ADCY5: variants seen among roughly 807,000 people sequenced by gnomAD.
ADCY5 encodes the protein adenylate cyclase 5.
ADCY5 carries 30 observed loss-of-function variants against 119.7 expected under a neutral mutation model. The observed-to-expected ratio is 0.25, with a 90% CI of 0.19 to 0.34. The LOEUF is 0.34. Ranked by LOEUF, ADCY5 falls within the 10% of genes least tolerant of loss-of-function variation. The pLI is 1.00. For missense variants in ADCY5, 1,324 were observed against 1,775.2 expected (o/e 0.75, Z 4.57); for synonymous variants, 753 against 762.2 (o/e 0.99, Z 0.20).
At chr3:123,406,632 C>G (rs917659311) in intron 1 of ADCY5, among the ~76,000 whole-genome samples, 1 of 152,154 alleles carries the variant, frequency 6.6e-6, no homozygotes, top group Admixed American at 6.5e-5. Context: ...TCTTGGGACT[C>G]AAGGTTATTC....
chr3:123,353,475 G>A (rs1444541532), intron 1 of ADCY5, among the ~76,000 whole-genome samples: 1 of 152,140 alleles, frequency 6.6e-6, no homozygotes, highest in African/African-American at 2.4e-5. Flanking sequence ...CTTGACTTGG[G>A]GCCACATGGA....
At chr3:123,296,933 G>A in intron 16 of ADCY5, 4 of 1,492,268 alleles carry the variant, frequency 2.7e-6, no homozygotes, top group Non-Finnish European at 2.7e-6. Flanking sequence ...TGCCCAGGCA[G>A]CAGCCCTCAA....
chr3:123,313,711 T>C (rs1221393647), intron 12 of ADCY5, among the ~76,000 whole-genome samples: 4 of 152,226 alleles, frequency 2.6e-5, no homozygotes, highest in Admixed American at 6.5e-5. Flanking sequence ...ACATTTCTGC[T>C]GCCAACACCA....
intron 3 of ADCY5, among the ~76,000 whole-genome samples, chr3:123,336,364 T>A (rs954485529): frequency 5.1e-4 from 77 of 152,160 alleles, no homozygotes; most frequent in Non-Finnish European, 9.4e-4. Flanking sequence ...GAAGCTGGGG[T>A]CCAGACTGGC....
At chr3:123,443,196 T>G (rs544444921) in intron 1 of ADCY5, among the ~76,000 whole-genome samples, 2 of 151,878 alleles carry the variant, frequency 1.3e-5, no homozygotes, top group Non-Finnish European at 2.9e-5. Context: ...GCTGAGCAGG[T>G]AGGTAGCAGG....
intron 1 of ADCY5, among the ~76,000 whole-genome samples, chr3:123,389,419 C>G (rs1576655257): frequency 6.6e-6 from 1 of 152,222 alleles, no homozygotes; most frequent in African/African-American, 2.4e-5. Flanking sequence ...TAGTCCTGAC[C>G]ACTCTCCCTG....
At position 123,380,153 on chromosome 3, in the gene ADCY5, AAC is replaced by A. The variant is rs552093331; in HGVS notation, c.1135-27574_1135-27573del. On this transcript the variant is annotated intron_variant, in intron 1 of 20. Transcript: ENST00000462833. ...CTCAGAAACAGGGAGTCCAGATTTG[AAC>A]ACAGTTTGGTCTCCTAGGAAAAAAT... is the stretch of plus-strand genomic sequence containing the variant. Among the ~76,000 whole-genome samples, 163 of 152,318 alleles carry A rather than the reference AAC, an allele frequency of 1.1e-3. 1 individual carries two copies. The highest frequency in any genetic ancestry group is 3.7e-3 in the African/African-American group (152 of 41,572).
chr3:123,448,537 G>A lies in ADCY5; in HGVS notation c.9C>T (p.Gly3=). ...AGCCCGGGGGGCTCACGCTTTTGGA[G>A]CCGGACATCCCCCCCTCGGCCTCGT... is the stretch of plus-strand genomic sequence containing the variant. MS[G]SKSVSPPGYA... Residue 3 remains glycine, a synonymous_variant, in exon 1 of 21, where the codon GGC becomes GGT. Coordinates refer to ENST00000462833, the MANE Select transcript of ADCY5 (RefSeq NM_183357.3). 1 of 1,265,828 alleles carries A rather than the reference G, an allele frequency of 7.9e-7. No homozygotes were observed. The highest frequency in any genetic ancestry group is 3.2e-5 in the East Asian group (1 of 31,730). The allele number at this position is 1,265,828 out of a possible 1,614,324, so 78.4% of individuals were successfully genotyped here.
At chr3:123,345,657 A>C (rs1373858572) in intron 3 of ADCY5, among the ~76,000 whole-genome samples, 1 of 152,052 alleles carries the variant, frequency 6.6e-6, no homozygotes. Context: ...CACATGTCCT[A>C]AGGGGGAGAC....
intron 1 of ADCY5, among the ~76,000 whole-genome samples, chr3:123,438,886 A>G (rs887471478): frequency 1.3e-5 from 2 of 151,968 alleles, no homozygotes; most frequent in Non-Finnish European, 2.9e-5. Context: ...AGCTAGGACT[A>G]TAGGTGCGTT....
At chr3:123,329,838 G>A (rs1363006861) in intron 5 of ADCY5, among the ~76,000 whole-genome samples, 2 of 152,168 alleles carry the variant, frequency 1.3e-5, no homozygotes, top group Non-Finnish European at 2.9e-5. Flanking sequence ...CTCCACTGCA[G>A]CAGAATACCT....
At position 123,352,367 on chromosome 3, in the gene ADCY5, C is replaced by T; in HGVS notation, c.1284+65G>A. 6.5e-7 allele frequency: 1 copy of T among 1,528,604 alleles called. No homozygotes were observed. Among genetic ancestry groups the T allele is most frequent in the Non-Finnish European group, 8.8e-7 (1 of 1,137,004 alleles). The allele number at this position is 1,528,604 out of a possible 1,614,324, so 94.7% of individuals were successfully genotyped here. A position where few individuals can be genotyped will look rare whatever the true frequency, so the allele number is the denominator to read the frequency against. On this transcript the variant is annotated intron_variant, in intron 2 of 20. Coordinates refer to ENST00000462833, the MANE Select transcript of ADCY5 (RefSeq NM_183357.3). The surrounding 1 kb of genome is among the most constrained non-coding windows in gnomAD (Gnocchi z 4.8). ...AGCACTGCCCGCCCTAGGCCAGGCA[C>T]TCAGCTGAGGTACATCTCAGGGCTC...
At position 123,448,129 on chromosome 3, in the gene ADCY5, C is replaced by T; in HGVS notation, c.417G>A (p.Ser139=). The T allele has an allele frequency of 9.6e-7, 1 of 1,039,534 alleles. No homozygotes were observed. The highest frequency in any genetic ancestry group is 1.1e-6 in the Non-Finnish European group (1 of 870,688). 64.4% of individuals were successfully genotyped at this position (1,039,534 alleles called of 1,614,324 possible). A position where few individuals can be genotyped will look rare whatever the true frequency, so the allele number is the denominator to read the frequency against. ...RAPPAGGGGG[S]AAAAASAGGT... ...CGCCCGCCGAGGCAGCCGCCGCCGC[C>T]GAGCCGCCGCCGCCGCCCGCAGGGG... The change falls in exon 1 of 21, where the codon TCG becomes TCA. Residue 139 remains serine (S), a synonymous_variant. Transcript: ENST00000462833.
chr3:123,423,166 C>T (rs1326163657), intron 1 of ADCY5, among the ~76,000 whole-genome samples: 1 of 152,126 alleles, frequency 6.6e-6, no homozygotes, highest in African/African-American at 2.4e-5. Context: ...GCCCAGCCCG[C>T]CCCAATTGCC....
intron 1 of ADCY5, among the ~76,000 whole-genome samples, chr3:123,436,712 T>A (rs1053798695): frequency 8.6e-5 from 13 of 151,920 alleles, no homozygotes; most frequent in African/African-American, 2.7e-4. Flanking sequence ...TCTCAAAAAA[T>A]AATAATAATA....
intron 1 of ADCY5, among the ~76,000 whole-genome samples, chr3:123,354,622 T>C (rs1177176125): frequency 6.6e-6 from 1 of 152,034 alleles, no homozygotes; most frequent in African/African-American, 2.4e-5. Flanking sequence ...ATGATCTAGT[T>C]AGAGGAGATC....
At position 123,296,093 on chromosome 3, in the gene ADCY5, C is replaced by T; in HGVS notation, c.3054G>A (p.Trp1018Ter). 6.2e-7 allele frequency: 1 copy of T among 1,614,012 alleles called. No homozygotes were observed. Among genetic ancestry groups the T allele is most frequent in the Non-Finnish European group, 8.5e-7 (1 of 1,179,934 alleles). Residue 1018 changes from tryptophan (W) to a stop codon, truncating the protein, a stop_gained, in exon 17 of 21, where the codon TGG becomes TGA. Coordinates refer to ENST00000462833, the MANE Select transcript of ADCY5 (RefSeq NM_183357.3). LOFTEE classifies it high-confidence loss of function. ...VESTARLDFLWKLQATEEKEE... is the reference protein window; with the variant it reads ...VESTARLDFL ...CCCCAGGGCCACCCACCTGCAGTTT[C>T]CAGAGGAAGTCGAGGCGGGCAGTGG...
In ADCY5 at chr3:123,448,085, C is replaced by T. The variant is rs1163342654; in HGVS notation, c.461G>A (p.Arg154His). ...ASAGGTEVRP[R>H]SVEVGLEERR... ...CTCCTCCAGACCCACCTCCACCGAG[C>T]GAGGGCGCACCTCCGTCCCGCCCGC... The change falls in exon 1 of 21, where the codon CGC (arginine) becomes CAC (histidine). Residue 154 changes from arginine to histidine, a missense_variant. Arg to His is a conservative substitution (Grantham distance 29). Transcript: ENST00000462833. 1.6e-6 allele frequency: 2 copies of T among 1,214,676 alleles called. No individual in the cohort carries two copies. The highest frequency in any genetic ancestry group is 2.9e-5 in the South Asian group (1 of 34,726). 75.2% of individuals were successfully genotyped at this position (1,214,676 alleles called of 1,614,324 possible). A position where few individuals can be genotyped will look rare whatever the true frequency, so the allele number is the denominator to read the frequency against.
intron 1 of ADCY5, among the ~76,000 whole-genome samples, chr3:123,371,559 G>A (rs1183240119): frequency 4.6e-5 from 7 of 152,214 alleles, no homozygotes; most frequent in Admixed American, 1.3e-4. Context: ...GAAGTGGCAC[G>A]CGGCCGGACC....
Sources: gnomAD v4.1 joint callset for allele counts (sites outside exome capture counted in the v4.1 genomes callset) on GRCh38, gnomAD v4.1.1 for gene constraint, Gnocchi (gnomAD v3.1) non-coding constraint, MANE v1.5 for transcripts, NCBI Gene and HGNC (gene_info 2026-07-23, HGNC 2026-07-21) for gene names.